Variants in DHX57 observed in about 807,000 individuals in gnomAD.
DHX57 encodes the protein putative ATP-dependent RNA helicase DHX57.
DHX57 carries 105 observed loss-of-function variants against 156.2 expected under a neutral mutation model. That is an observed-to-expected ratio of 0.67 (90% CI 0.57 to 0.79). DHX57 has a LOEUF of 0.79. Ranked by LOEUF, DHX57 falls within the 30% of genes least tolerant of loss-of-function variation. The probability of loss-of-function intolerance (pLI) is 0.00; values close to 1 mark genes in which losing one functional copy is unlikely to be tolerated. For synonymous variants in DHX57, 704 were observed against 595.6 expected (o/e 1.18, Z -2.65); for missense variants, 1,847 against 1,661.9 (o/e 1.11, Z -1.94).
At chr2:38,802,324 G>C (rs1293942219) in intron 23 of DHX57, among the ~76,000 whole-genome samples, 1 of 141,800 alleles carries the variant, frequency 7.1e-6, no homozygotes, top group South Asian at 2.2e-4. Context: ...ATCTCGCTCT[G>C]TTGCCGAGGC....
rs539807202 is a variant in DHX57 at position 38,854,001 on chromosome 2, C to G, written c.2030+53G>C. 1.4e-5 allele frequency: 21 copies of G among 1,505,348 alleles called. No homozygotes were observed. The Middle Eastern group carries it at 7.2e-4, about 51-fold the overall frequency. 93.2% of individuals were successfully genotyped at this position (1,505,348 alleles called of 1,614,324 possible). Reference sequence around the variant, plus strand: ...TGGAACTAGAAAACAATTTTTTCTGCCATGCCTTCAATTCAGGTGAGTGTG... The same window carrying G: ...TGGAACTAGAAAACAATTTTTTCTGGCATGCCTTCAATTCAGGTGAGTGTG... On this transcript the variant is annotated intron_variant, in intron 9 of 23. Coordinates refer to ENST00000457308, the MANE Select transcript of DHX57 (RefSeq NM_198963.3).
rs762660900 is a variant in DHX57 at position 38,826,505 on chromosome 2, A to C, written c.2813+11T>G. The C allele has an allele frequency of 6.2e-7, 1 of 1,612,382 alleles. No individual in the cohort carries two copies. Among genetic ancestry groups the C allele is most frequent in the African/African-American group, 1.3e-5 (1 of 75,020 alleles). ...TTAGCCCCTCTCTTACATCACCACA[A>C]GACGGAATACCTCTTTTCTTTCATT... On this transcript the variant is annotated intron_variant, in intron 15 of 23. Coordinates refer to ENST00000457308, the MANE Select transcript of DHX57 (RefSeq NM_198963.3).
intron 9 of DHX57, among the ~76,000 whole-genome samples, chr2:38,850,501 A>C (rs1672527589): frequency 6.6e-6 from 1 of 151,566 alleles, no homozygotes; most frequent in Non-Finnish European, 1.5e-5. Context: ...GGCTCAAGTG[A>C]TCCTCTTGTC....
At chr2:38,843,298 C>G in intron 11 of DHX57, 88 bp from the exon 12 acceptor site, 1 of 1,335,374 alleles carries the variant, frequency 7.5e-7, no homozygotes, top group Non-Finnish European at 1.0e-6. Context: ...GCTCGTTCAG[C>G]AAAATGTCAC....
Position 38,798,509 on chromosome 2 carries a change from T to C in DHX57, c.4018-67A>G, listed in dbSNP as rs181045054. ...GGCAGGATAGGTTATTGGAGGGAAA[T>C]ACCCAAGTTATGATTACCATTATTT... On this transcript the variant is annotated intron_variant, in intron 23 of 23. Coordinates refer to ENST00000457308, the MANE Select transcript of DHX57 (RefSeq NM_198963.3). 2,895 of 1,488,750 alleles carry C rather than the reference T, an allele frequency of 1.9e-3. 3 individuals carry two copies. Among genetic ancestry groups the C allele is most frequent in the Non-Finnish European group, 2.3e-3 (2,562 of 1,114,992 alleles). 92.2% of individuals were successfully genotyped at this position (1,488,750 alleles called of 1,614,324 possible). A position where few individuals can be genotyped will look rare whatever the true frequency, so the allele number is the denominator to read the frequency against.
At chr2:38,822,798 T>G (rs1038192696) in intron 17 of DHX57, among the ~76,000 whole-genome samples, 195 bp downstream of exon 17, 4 of 152,188 alleles carry the variant, frequency 2.6e-5, no homozygotes, top group Non-Finnish European at 4.4e-5. Context: ...TCCTTTTGTT[T>G]GTTTTATTTG....
intron 1 of DHX57, among the ~76,000 whole-genome samples, chr2:38,874,174 C>G (rs1489812799): frequency 2.0e-5 from 3 of 152,088 alleles, no homozygotes; most frequent in Non-Finnish European, 4.4e-5. Context: ...TTACTGCAGC[C>G]TCGATCTCCT....
At chr2:38,832,936 G>C (rs3099990) in intron 13 of DHX57, among the ~76,000 whole-genome samples, 34,580 of 148,310 alleles carry the variant, frequency 0.23, 4,189 homozygotes, top group Admixed American at 0.28. Flanking sequence ...TGTAGGCACT[G>C]TTCTAGGGTC....
At chr2:38,807,134 A>G (rs1669984556) in intron 21 of DHX57, among the ~76,000 whole-genome samples, 1 of 151,176 alleles carries the variant, frequency 6.6e-6, no homozygotes, top group Non-Finnish European at 1.5e-5. Context: ...GGCTCACTGC[A>G]ACCTCCGCCT....
intron 11 of DHX57, among the ~76,000 whole-genome samples, chr2:38,844,984 G>A (rs1159396918): frequency 6.6e-6 from 1 of 152,068 alleles, no homozygotes; most frequent in Non-Finnish European, 1.5e-5. Context: ...ACAATTCTAT[G>A]TTTAAAGATA....
chr2:38,818,841 T>TA lies in DHX57; in HGVS notation c.3471+35dup, dbSNP rs531900693. 3.0e-5 allele frequency: 49 copies of TA among 1,610,496 alleles called. No individual in the cohort carries two copies. In the East Asian group the frequency reaches 5.1e-4, roughly 17 times the overall value. On this transcript the variant is annotated intron_variant, in intron 19 of 23. Coordinates refer to ENST00000457308, the MANE Select transcript of DHX57 (RefSeq NM_198963.3). ...AGCACCCTCTGGTGAGCTACTCTAA[T>TA]AAAAAAATGAAGAAAAAGCCACAGA...
In DHX57 at chr2:38,826,606, T is replaced by C. The variant is rs1233837044; in HGVS notation, c.2723A>G (p.Lys908Arg). The C allele has an allele frequency of 1.2e-6, 2 of 1,614,152 alleles. No homozygotes were observed. The highest frequency in any genetic ancestry group is 8.5e-7 in the Non-Finnish European group (1 of 1,180,024). ...AGCAATGTTGGTGGAAATTATAATC[T>C]TAGTTACTCCTGCAGGAGGTTTTAC... ...VFVKPPAGVT[K>R]IIISTNIAET... The change falls in exon 15 of 24, where the codon AAG (lysine) becomes AGG (arginine). Residue 908 changes from lysine to arginine, a missense_variant. Coordinates refer to ENST00000457308, the MANE Select transcript of DHX57 (RefSeq NM_198963.3).
At chr2:38,858,873 C>G (rs1320143439) in intron 5 of DHX57, 37 bp from the exon 6 acceptor site, 1 of 1,569,504 alleles carries the variant, frequency 6.4e-7, no homozygotes, top group Non-Finnish European at 8.6e-7. Context: ...CAGTATGGAG[C>G]CCTTTCTTTA....
chr2:38,875,820 C>A lies in DHX57; in HGVS notation c.-40G>T, dbSNP rs932390403. On this transcript the variant is annotated 5_prime_UTR_variant, in exon 1 of 24. Coordinates refer to ENST00000457308, the MANE Select transcript of DHX57 (RefSeq NM_198963.3). ...CAGAGTTGGGTCCCGAGCCGGCTGTCGGGAGGTGCTGCCCAAGGGTCAGAG... is the reference window on the plus strand; with the variant it reads ...CAGAGTTGGGTCCCGAGCCGGCTGTAGGGAGGTGCTGCCCAAGGGTCAGAG... 2.6e-6 allele frequency: 1 copy of A among 388,808 alleles called. No homozygotes were observed. The highest frequency in any genetic ancestry group is 2.1e-5 in the African/African-American group (1 of 48,446). The allele number at this position is 388,808 out of a possible 1,614,324, so 24.1% of individuals were successfully genotyped here.
At chr2:38,835,657 T>A (rs553327351) in intron 13 of DHX57, among the ~76,000 whole-genome samples, 1 of 152,196 alleles carries the variant, frequency 6.6e-6, no homozygotes, top group Non-Finnish European at 1.5e-5. Context: ...TGGAAAGGAC[T>A]GTCAATGCTA....
At chr2:38,834,471 T>C (rs1041631497) in intron 13 of DHX57, among the ~76,000 whole-genome samples, 2 of 152,140 alleles carry the variant, frequency 1.3e-5, no homozygotes, top group Non-Finnish European at 2.9e-5. Context: ...AGCTCAAGTG[T>C]TGTGAGAATC....
Position 38,868,193 on chromosome 2 carries a change from C to T in DHX57, c.213G>A (p.Arg71=). ...AGAGTTATAATGACCTGGAAGGGCG[C>T]CTTGATTCACTGAAGATACAAAAGT... is the stretch of plus-strand genomic sequence containing the variant. ...GDDFCIFSES[R]RPSRPSNSNI... The change falls in exon 2 of 24, where the codon AGG becomes AGA. Residue 71 remains arginine, a synonymous_variant. Transcript: ENST00000457308. The T allele has an allele frequency of 6.2e-7, 1 of 1,613,958 alleles. No homozygotes were observed. The highest frequency in any genetic ancestry group is 1.7e-5 in the Admixed American group (1 of 60,024).
rs1323581671 is a variant in DHX57 at position 38,843,191 on chromosome 2, TC to T, written c.2238del (p.Ser747AlafsTer7). 1 of 1,614,092 alleles carries T rather than the reference TC, an allele frequency of 6.2e-7. No homozygotes were observed. Among genetic ancestry groups the T allele is most frequent in the Non-Finnish European group, 8.5e-7 (1 of 1,179,988 alleles). ...TGTTTCATGGACCGCATATATGGGC[TC>T]CCATCCTGTAATACATACCTGAGAA... Reference protein sequence around the residue: ...IAVTRYVLQDGSPYMRSMKQI... With the variant: ...IAVTRYVLQDXSPYMRSMKQI... On this transcript the variant is annotated frameshift_variant, in exon 12 of 24. Coordinates refer to ENST00000457308, the MANE Select transcript of DHX57 (RefSeq NM_198963.3). LOFTEE classifies it high-confidence loss of function.
chr2:38,819,247 C>A, intron 17 of DHX57, 103 bp from the exon 18 acceptor site: 1 of 995,048 alleles, frequency 1.0e-6, no homozygotes, highest in Non-Finnish European at 1.5e-6. Context: ...CGATCATAGC[C>A]CACTGCAACC....
Sources: allele counts gnomAD v4.1 joint callset (sites outside exome capture counted in the v4.1 genomes callset), GRCh38; gene constraint gnomAD v4.1.1; transcripts MANE v1.5; gene names NCBI Gene and HGNC (gene_info 2026-07-23, HGNC 2026-07-21).